LHX4: variants seen among roughly 807,000 people sequenced by gnomAD.
The protein encoded by LHX4 is LIM homeobox 4.
In LHX4, 16 loss-of-function variants were observed where a neutral mutation model predicts 39.2. That is an observed-to-expected ratio of 0.41 (90% confidence interval 0.28 to 0.62). The LOEUF (loss-of-function observed/expected upper bound fraction) is 0.62. Among genes scored for constraint, LHX4 ranks in the 20% least tolerant of loss-of-function variants. LHX4 has a pLI of 0.33. For synonymous variants in LHX4, 206 were observed against 198.1 expected, an observed-to-expected ratio of 1.04 and a Z score of -0.33; for missense variants, 439 against 511.9, an observed-to-expected ratio of 0.86 and a Z score of 1.37.
chr1:180,249,911 CAGTG>C (rs58185976), intron 2 of LHX4, among the ~76,000 whole-genome samples: 13,410 of 150,948 alleles, frequency 0.089, 1,957 homozygotes, highest in African/African-American at 0.3. Context: ...GTGTGTGTGA[CAGTG>C]TGTGTGAGAG....
chr1:180,262,692 A>G (rs1028703592), intron 2 of LHX4, among the ~76,000 whole-genome samples: 7 of 151,960 alleles, frequency 4.6e-5, no homozygotes, highest in African/African-American at 1.2e-4. Context: ...AAAAAAAAAA[A>G]AAAAGAAAAG....
rs1462276677 is a variant in LHX4, at chr1:180,274,624, T to TATC, written c.*46_*48dup. 13 of 1,509,084 alleles carry TATC rather than the reference T, an allele frequency of 8.6e-6. No homozygotes were observed. The highest frequency in any genetic ancestry group is 2.3e-5 in the East Asian group (1 of 44,018). 93.5% of individuals were successfully genotyped at this position (1,509,084 alleles called of 1,614,324 possible). A position where few individuals can be genotyped will look rare whatever the true frequency, so the allele number is the denominator to read the frequency against. On this transcript the variant is annotated 3_prime_UTR_variant, in exon 6 of 6. Transcript: ENST00000263726. ...TACCTGCCCCCCTGGCTTGAGAGAATATCTTCAAGGATCAAAAGAGACTTG... is the reference window on the plus strand; with the variant it reads ...TACCTGCCCCCCTGGCTTGAGAGAATATCATCTTCAAGGATCAAAAGAGACTTG...
intron 2 of LHX4, among the ~76,000 whole-genome samples, chr1:180,258,691 C>T (rs1647975224): frequency 6.6e-6 from 1 of 152,128 alleles, no homozygotes; most frequent in Non-Finnish European, 1.5e-5. Context: ...ATTGTCTCAC[C>T]TACGCAGGAG....
At chr1:180,243,069 AT>A (rs1439880761) in intron 1 of LHX4, among the ~76,000 whole-genome samples, 1 of 152,054 alleles carries the variant, frequency 6.6e-6, no homozygotes, top group African/African-American at 2.4e-5. Context: ...GCTCACTGCA[AT>A]TTCCACCTCC....
chr1:180,229,956 A>AGGCGGAGGCGGGGGG (rs1558204856), upstream of LHX4, among the ~76,000 whole-genome samples: 11 of 16,600 alleles, frequency 6.6e-4, no homozygotes, highest in Admixed American at 8.6e-4. Flanking sequence ...GCGGAGGCGG[A>AGGCGGAGGCGGGGGG]GGCGGGGAGG....
chr1:180,274,133 G>A, intron 5 of LHX4, 52 bp from the exon 6 acceptor site: 3 of 1,608,046 alleles, frequency 1.9e-6, no homozygotes, highest in South Asian at 1.1e-5. Flanking sequence ...AAGAGCAGGG[G>A]ACCATCAGAG....
chr1:180,238,635 G>T (rs1455625734), intron 1 of LHX4, among the ~76,000 whole-genome samples: 1 of 152,074 alleles, frequency 6.6e-6, no homozygotes, highest in Non-Finnish European at 1.5e-5. Flanking sequence ...AAGAATTAAT[G>T]TTGGAATTTT....
rs1337645636 is a variant in LHX4, at chr1:180,274,358, T to C, written c.952T>C (p.Ser318Pro). 6.2e-7 allele frequency: 1 copy of C among 1,614,184 alleles called. No individual in the cohort carries two copies. Among genetic ancestry groups the C allele is most frequent in the Admixed American group, 1.7e-5 (1 of 60,014 alleles). ...AATCCCCCAGTCTCCATCCTCCATATCGTCCCTGCCATCCCACGCTCCTTT... is the reference window on the plus strand; with the variant it reads ...AATCCCCCAGTCTCCATCCTCCATACCGTCCCTGCCATCCCACGCTCCTTT... ...YGIPQSPSSI[S>P]SLPSHAPLLN... is the part of the protein sequence containing the mutation. Residue 318 changes from serine (S) to proline (P), a missense_variant, in exon 6 of 6, where the codon TCG (serine) becomes CCG (proline). By Grantham distance (74) the Ser-to-Pro change is moderately conservative. Coordinates refer to ENST00000263726, the MANE Select transcript of LHX4 (RefSeq NM_033343.4).
At chr1:180,250,416 A>G (rs1453466323) in intron 2 of LHX4, among the ~76,000 whole-genome samples, 1 of 152,098 alleles carries the variant, frequency 6.6e-6, no homozygotes, top group East Asian at 1.9e-4. Flanking sequence ...AGAGGGCAGG[A>G]AGCGGCAGGT....
chr1:180,248,204 G>T, intron 1 of LHX4, 81 bp from the exon 2 acceptor site: 1 of 1,416,802 alleles, frequency 7.1e-7, no homozygotes, highest in East Asian at 2.4e-5. Context: ...CAGCAGAGTG[G>T]GAAGGCACCC....
chr1:180,271,262 C>A, intron 3 of LHX4, 118 bp from the exon 4 acceptor site: 3 of 1,136,374 alleles, frequency 2.6e-6, no homozygotes, highest in Non-Finnish European at 4.0e-6. Flanking sequence ...CTGTGCCTCG[C>A]GCTGTCCTGC....
chr1:180,240,573 A>T (rs1664423290), intron 1 of LHX4, among the ~76,000 whole-genome samples: 1 of 152,188 alleles, frequency 6.6e-6, no homozygotes, highest in South Asian at 2.1e-4. Flanking sequence ...CATTTTTCAA[A>T]TAATTAAAAT....
At chr1:180,255,581 A>G (rs1391528879) in intron 2 of LHX4, among the ~76,000 whole-genome samples, 1 of 152,260 alleles carries the variant, frequency 6.6e-6, no homozygotes, top group Non-Finnish European at 1.5e-5. Context: ...GTGCGTGTGG[A>G]CATTTGAAAG....
chr1:180,229,776 G>A (rs933447863), upstream of LHX4, among the ~76,000 whole-genome samples: 1 of 150,514 alleles, frequency 6.6e-6, no homozygotes, highest in Non-Finnish European at 1.5e-5. Flanking sequence ...GCTCGGCTCC[G>A]CCCCGCCCCT....
Position 180,266,229 on chromosome 1 carries a change from A to G in LHX4, c.249-163A>G, listed in dbSNP as rs928823097. ...GTCCCAGGCACAAAGCAATGAAGCT[A>G]GATGGAGGCAGAGAGGACCAGACGG... On this transcript the variant is annotated intron_variant, in intron 2 of 5. Coordinates refer to ENST00000263726, the MANE Select transcript of LHX4 (RefSeq NM_033343.4). The surrounding 1 kb of genome is among the most constrained non-coding windows in gnomAD (Gnocchi z 5.7). 2.0e-5 allele frequency among the ~76,000 whole-genome samples: 3 copies of G among 152,118 alleles called. No individual in the cohort carries two copies. The highest frequency in any genetic ancestry group is 4.4e-5 in the Non-Finnish European group (3 of 68,018).
At chr1:180,244,370 G>C (rs1647307483) in intron 1 of LHX4, among the ~76,000 whole-genome samples, 1 of 152,068 alleles carries the variant, frequency 6.6e-6, no homozygotes, top group Non-Finnish European at 1.5e-5. Context: ...TTCTAATTTG[G>C]GCAGCCCAGA....
chr1:180,257,459 T>C (rs1647905093), intron 2 of LHX4, among the ~76,000 whole-genome samples: 1 of 152,180 alleles, frequency 6.6e-6, no homozygotes, highest in Non-Finnish European at 1.5e-5. Flanking sequence ...GCTCTAAGAT[T>C]CTCTGGTGTC....
rs1365662835 is a variant in LHX4 at position 180,277,506 on chromosome 1, G to A, written c.*2927G>A. On this transcript the variant is annotated 3_prime_UTR_variant, in exon 6 of 6. Coordinates refer to ENST00000263726, the MANE Select transcript of LHX4 (RefSeq NM_033343.4). ...AGGAGCAAATTAGTTAAAACCCCAA[G>A]TTCCAGTGGTAACTGGTATAAGCAA... The A allele has an allele frequency of 1.3e-5, 2 of 152,186 alleles. No homozygotes were observed. The highest frequency in any genetic ancestry group is 4.8e-5 in the African/African-American group (2 of 41,446). 9.4% of individuals were successfully genotyped at this position (152,186 alleles called of 1,614,324 possible).
upstream of LHX4, chr1:180,230,211 G>A: frequency 2.2e-6 from 1 of 447,276 alleles, no homozygotes; most frequent in Admixed American, 3.7e-5. This position sits in a 1 kb window ranked among gnomAD's most constrained non-coding sequence, Gnocchi z 5.8. Context: ...GGCACGCGAA[G>A]GGTGGAGGGG....
Sources: allele counts gnomAD v4.1 joint callset (sites outside exome capture counted in the v4.1 genomes callset), GRCh38; gene constraint gnomAD v4.1.1; non-coding constraint Gnocchi (gnomAD v3.1); transcripts MANE v1.5; gene names NCBI Gene and HGNC (gene_info 2026-07-23, HGNC 2026-07-21).